The following RAG1 variants were observed in gnomAD, a reference collection of about 807,000 sequenced individuals.
RAG1 encodes the protein recombination activating 1.
In RAG1, 35 loss-of-function variants were observed where a neutral mutation model predicts 62.7. That is an observed-to-expected ratio of 0.56 (90% CI 0.43 to 0.74). RAG1 has a LOEUF of 0.74. Ranked by LOEUF, RAG1 falls within the 30% of genes least tolerant of loss-of-function variation. RAG1 has a pLI of 0.00. For synonymous variants in RAG1, 461 were observed against 470.3 expected (o/e 0.98, Z 0.26); for missense variants, 1,169 against 1,278.6 (o/e 0.91, Z 1.31).
intron 1 of RAG1, among the ~76,000 whole-genome samples, chr11:36,516,460 T>G (rs1859997881): frequency 6.6e-6 from 1 of 152,262 alleles, no homozygotes; most frequent in Admixed American, 6.5e-5. Flanking sequence ...TAGCTGGGAC[T>G]ACAGGCGCCC....
intron 3 of RAG1, among the ~76,000 whole-genome samples, chr11:36,541,126 G>A (rs1442435226): frequency 6.6e-6 from 1 of 152,136 alleles, no homozygotes; most frequent in Non-Finnish European, 1.5e-5. Context: ...AGGAAGGGTG[G>A]TGCTGAGCTG....
chr11:36,548,529 C>CA (rs1259584029), intron 3 of RAG1, among the ~76,000 whole-genome samples: 2 of 151,532 alleles, frequency 1.3e-5, no homozygotes, highest in Non-Finnish European at 2.9e-5. Context: ...ACAATTGCTA[C>CA]AAAAAAAATA....
At chr11:36,536,189 TAATGA>T (rs961333283), downstream of RAG1, among the ~76,000 whole-genome samples, 3 of 152,224 alleles carry the variant, frequency 2.0e-5, no homozygotes, top group Non-Finnish European at 4.4e-5. Flanking sequence ...TAAAAAAATC[TAATGA>T]AATGAAGTAC....
chr11:36,518,411 G>T (rs955396146), intron 1 of RAG1, among the ~76,000 whole-genome samples: 1 of 152,142 alleles, frequency 6.6e-6, no homozygotes, highest in East Asian at 1.9e-4. Context: ...CTGAGGAATC[G>T]CCACACTGAC....
At chr11:36,562,688 G>C (rs1034705792) in intron 3 of RAG1, among the ~76,000 whole-genome samples, 6 of 152,100 alleles carry the variant, frequency 3.9e-5, no homozygotes, top group Non-Finnish European at 8.8e-5. Flanking sequence ...CAAGATAAGG[G>C]ACCTGATCTC....
intron 3 of RAG1, among the ~76,000 whole-genome samples, chr11:36,548,026 A>T (rs1477654139): frequency 6.6e-6 from 1 of 152,210 alleles, no homozygotes; most frequent in Non-Finnish European, 1.5e-5. Context: ...GACAAAAACT[A>T]CATGATTATA....
At position 36,547,533 on chromosome 11, in the gene RAG1, G is replaced by C. The variant is rs969607109; in HGVS notation, c.-412+11499G>C. ...TAAACTAGAAAATCTAGAAGAAATG[G>C]ATAAATTCATGGACACATATACCCT... On this transcript the variant is annotated intron_variant and NMD_transcript_variant, in intron 3 of 9. Transcript: ENST00000534663. Among the ~76,000 whole-genome samples, 3 of 152,108 alleles carry C rather than the reference G, an allele frequency of 2.0e-5. 1 individual carries two copies. The highest frequency in any genetic ancestry group is 7.2e-5 in the African/African-American group (3 of 41,410).
intron 2 of RAG1, among the ~76,000 whole-genome samples, chr11:36,527,986 G>A (rs1860191266): frequency 6.6e-6 from 1 of 151,966 alleles, no homozygotes; most frequent in Non-Finnish European, 1.5e-5. Flanking sequence ...AGACAATGGG[G>A]TTTTCTAAAT....
intron 3 of RAG1, among the ~76,000 whole-genome samples, chr11:36,551,413 T>C (rs990966847): frequency 6.6e-6 from 1 of 151,970 alleles, no homozygotes; most frequent in South Asian, 2.1e-4. Flanking sequence ...GGCTAGAAGT[T>C]TGAGATTAAG....
chr11:36,575,814 A>G lies in RAG1; in HGVS notation c.2510A>G (p.Asp837Gly). The G allele has an allele frequency of 6.2e-7, 1 of 1,614,234 alleles. No homozygotes were observed. Among genetic ancestry groups the G allele is most frequent in the East Asian group, 2.2e-5 (1 of 44,874 alleles). ...AGGAAAAGGTGGCAGGCCACACTGGACAAGCATCTCCGGAAGAAGATGAAC... is the reference window on the plus strand; with the variant it reads ...AGGAAAAGGTGGCAGGCCACACTGGGCAAGCATCTCCGGAAGAAGATGAAC... ...EERKRWQATLDKHLRKKMNLK... is the reference protein window; with the variant it reads ...EERKRWQATLGKHLRKKMNLK... The change falls in exon 2 of 2, where the codon GAC (aspartate) becomes GGC (glycine). Residue 837 changes from aspartate to glycine, a missense_variant. Coordinates refer to ENST00000299440, the MANE Select transcript of RAG1 (RefSeq NM_000448.3). The surrounding 1 kb of genome is among the most constrained non-coding windows in gnomAD (Gnocchi z 4.1).
chr11:36,542,303 A>G (rs573639017), intron 3 of RAG1, among the ~76,000 whole-genome samples: 2 of 152,354 alleles, frequency 1.3e-5, no homozygotes, highest in South Asian at 4.1e-4. Context: ...ATAACGCTGC[A>G]GGTGATATCT....
At chr11:36,548,354 A>G (rs1850429805) in intron 3 of RAG1, among the ~76,000 whole-genome samples, 1 of 152,246 alleles carries the variant, frequency 6.6e-6, no homozygotes, top group African/African-American at 2.4e-5. Context: ...TGCAGATGAC[A>G]TGATTGTACA....
At chr11:36,537,503 AT>A (rs1481647602), downstream of RAG1, among the ~76,000 whole-genome samples, 1 of 152,200 alleles carries the variant, frequency 6.6e-6, no homozygotes, top group East Asian at 1.9e-4. Context: ...AAGAAATCAA[AT>A]AAAATATCAA....
At chr11:36,528,416 G>C (rs1050361359) in intron 2 of RAG1, among the ~76,000 whole-genome samples, 43 of 152,270 alleles carry the variant, frequency 2.8e-4, no homozygotes, top group African/African-American at 9.9e-4. Flanking sequence ...CGAAATGAAG[G>C]CAGAGATAAA....
At position 36,573,515 on chromosome 11, in the gene RAG1, G is replaced by T. The variant is rs1470456519; in HGVS notation, c.211G>T (p.Gly71Cys). The T allele has an allele frequency of 6.2e-7, 1 of 1,614,084 alleles. No individual in the cohort carries two copies. Among genetic ancestry groups the T allele is most frequent in the Non-Finnish European group, 8.5e-7 (1 of 1,180,048 alleles). The change falls in exon 2 of 2, where the codon GGT (glycine) becomes TGT (cysteine). Residue 71 changes from glycine (G) to cysteine (C), a missense_variant. Transcript: ENST00000299440. The part of the protein sequence containing the change: ...QSPAVLDKAD[G>C]QKPVPTQPLL... Reference sequence around the variant, plus strand: ...TCCAGCAGTCCTGGACAAGGCTGATGGTCAGAAGCCAGTCCCAACTCAGCC... The same window carrying T: ...TCCAGCAGTCCTGGACAAGGCTGATTGTCAGAAGCCAGTCCCAACTCAGCC...
chr11:36,530,160 A>G (rs992920251), intron 2 of RAG1, among the ~76,000 whole-genome samples: 1 of 151,954 alleles, frequency 6.6e-6, no homozygotes, highest in African/African-American at 2.4e-5. Context: ...CAGGGTCTAT[A>G]CTGATATCCC....
upstream of RAG1, chr11:36,566,673 G>A (rs1850666708): frequency 6.6e-6 from 1 of 152,274 alleles, no homozygotes; most frequent in Non-Finnish European, 1.5e-5. Flanking sequence ...TTCTCGCCAT[G>A]TTGCCTCAAA....
exon 1 of RAG1, chr11:36,511,020 C>T (rs331449): frequency 0.95 from 144,395 of 152,232 alleles, 68,958 homozygotes; most frequent in Non-Finnish European, 1. Context: ...GTTTTTCCTA[C>T]AATAAATGTG....
intron 3 of RAG1, among the ~76,000 whole-genome samples, chr11:36,560,339 G>A (rs570708862): frequency 1.3e-5 from 2 of 152,228 alleles, no homozygotes; most frequent in East Asian, 3.9e-4. Context: ...CTTAGGGGAG[G>A]TTTATTTCCT....
Sources: allele counts gnomAD v4.1 joint callset (sites outside exome capture counted in the v4.1 genomes callset), GRCh38; gene constraint gnomAD v4.1.1; non-coding constraint Gnocchi (gnomAD v3.1); transcripts MANE v1.5; gene names NCBI Gene and HGNC (gene_info 2026-07-23, HGNC 2026-07-21).